ST6GALNAC3: variants seen among roughly 807,000 people sequenced by gnomAD.
ST6GALNAC3 encodes the protein alpha-N-acetylgalactosaminide alpha-2,6-sialyltransferase 3.
Under a neutral mutation model 32.7 loss-of-function variants are expected in ST6GALNAC3, and 25 were observed. That is an observed-to-expected ratio of 0.76 (90% confidence interval 0.56 to 1.07). The LOEUF (loss-of-function observed/expected upper bound fraction) is 1.07, where lower values mean the gene tolerates loss of function less well. Ranked by LOEUF, ST6GALNAC3 falls within the 50% of genes least tolerant of loss-of-function variation. ST6GALNAC3 has a pLI of 0.00. For missense variants in ST6GALNAC3, 355 were observed against 382.4 expected, an observed-to-expected ratio of 0.93 and a Z score of 0.60; for synonymous variants, 129 against 133.1, an observed-to-expected ratio of 0.97 and a Z score of 0.21.
chr1:76,470,680 T>C (rs753309596), intron 3 of ST6GALNAC3, among the ~76,000 whole-genome samples: 2 of 152,046 alleles, frequency 1.3e-5, no homozygotes, highest in Non-Finnish European at 2.9e-5. Context: ...CCCTGGAGTT[T>C]GGATAAAAAC....
intron 2 of ST6GALNAC3, among the ~76,000 whole-genome samples, chr1:76,384,175 G>A (rs12040892): frequency 2.6e-5 from 4 of 151,800 alleles, no homozygotes; most frequent in Non-Finnish European, 5.9e-5. Flanking sequence ...GCACAGAAAG[G>A]TTAAAAATAA....
chr1:76,221,685 A>C (rs1248249794), intron 1 of ST6GALNAC3, among the ~76,000 whole-genome samples: 3 of 152,166 alleles, frequency 2.0e-5, no homozygotes, highest in African/African-American at 7.2e-5. Flanking sequence ...GATGTTCAGT[A>C]ACTGAAAACA....
chr1:76,192,307 C>T (rs1420345143), intron 1 of ST6GALNAC3, among the ~76,000 whole-genome samples: 1 of 152,118 alleles, frequency 6.6e-6, no homozygotes, highest in Non-Finnish European at 1.5e-5. Flanking sequence ...GCACAGAAAA[C>T]ATGACAAATT....
intron 3 of ST6GALNAC3, among the ~76,000 whole-genome samples, chr1:76,508,862 T>A (rs1444293949): frequency 1.3e-5 from 2 of 152,190 alleles, no homozygotes; most frequent in African/African-American, 4.8e-5. Context: ...ATATTTCTCA[T>A]TGAAGAACCA....
In ST6GALNAC3 at chr1:76,251,170, G is replaced by C. The variant is rs534513335; in HGVS notation, c.19-62635G>C. Among the ~76,000 whole-genome samples, 4 of 151,778 alleles carry C rather than the reference G, an allele frequency of 2.6e-5. No homozygotes were observed. The East Asian group carries it at 7.8e-4, about 29-fold the overall frequency. On this transcript the variant is annotated intron_variant, in intron 1 of 4. Transcript: ENST00000328299. ...CATGGCTAAACAACTACTTTAATTA[G>C]CAAATTCTCCCATTATCACCCGCAT...
At chr1:76,424,298 A>G (rs1371837432) in intron 3 of ST6GALNAC3, among the ~76,000 whole-genome samples, 2 of 151,916 alleles carry the variant, frequency 1.3e-5, no homozygotes, top group South Asian at 2.1e-4. Context: ...AGACCCTTCC[A>G]AAAGTGAACC....
chr1:76,324,881 A>T (rs1029743089), intron 2 of ST6GALNAC3, among the ~76,000 whole-genome samples: 1 of 152,126 alleles, frequency 6.6e-6, no homozygotes, highest in Non-Finnish European at 1.5e-5. Context: ...CCAAAATATA[A>T]GGTTTGCTTT....
At position 76,182,784 on chromosome 1, in the gene ST6GALNAC3, A is replaced by T. The variant is rs114361405; in HGVS notation, c.18+107900A>T. Among the ~76,000 whole-genome samples, 744 of 152,238 alleles carry T rather than the reference A, an allele frequency of 4.9e-3. 5 individuals carry two copies. The highest frequency in any genetic ancestry group is 0.025 in the South Asian group (119 of 4,820). On this transcript the variant is annotated intron_variant, in intron 1 of 4. Transcript: ENST00000328299. The stretch of plus-strand genomic sequence containing the variant: ...CTTCAGTCTGGTGTGGTATTTGAAG[A>T]GCATAAAGTCGTAACATAGATTTTC...
At chr1:76,431,708 G>T (rs1465684024) in intron 3 of ST6GALNAC3, among the ~76,000 whole-genome samples, 1 of 151,956 alleles carries the variant, frequency 6.6e-6, no homozygotes, top group African/African-American at 2.4e-5. Flanking sequence ...TTTTTCTTTG[G>T]GAAGTCCGAA....
Position 76,630,204 on chromosome 1 carries a change from T to C in ST6GALNAC3, c.*1398T>C, listed in dbSNP as rs941915586. 1 of 985,226 alleles carries C rather than the reference T, an allele frequency of 1.0e-6. No individual in the cohort carries two copies. Among genetic ancestry groups the C allele is most frequent in the African/African-American group, 1.7e-5 (1 of 57,318 alleles). The allele number at this position is 985,226 out of a possible 1,614,324, so 61.0% of individuals were successfully genotyped here. A position where few individuals can be genotyped will look rare whatever the true frequency, so the allele number is the denominator to read the frequency against. ...AGAATTTATGTAAACTAGTAACCAGTTGATCTCTGTGCCAAATACATTATA... is the reference window on the plus strand; with the variant it reads ...AGAATTTATGTAAACTAGTAACCAGCTGATCTCTGTGCCAAATACATTATA... On this transcript the variant is annotated 3_prime_UTR_variant, in exon 5 of 5. Coordinates refer to ENST00000328299, the MANE Select transcript of ST6GALNAC3 (RefSeq NM_152996.4).
chr1:76,202,282 G>A (rs1654569505), intron 1 of ST6GALNAC3, among the ~76,000 whole-genome samples: 1 of 151,598 alleles, frequency 6.6e-6, no homozygotes, highest in African/African-American at 2.4e-5. Flanking sequence ...GTGTGTGTGT[G>A]TGTGTGTGTG....
intron 3 of ST6GALNAC3, among the ~76,000 whole-genome samples, chr1:76,449,795 A>G (rs1240568802): frequency 6.6e-6 from 1 of 152,006 alleles, no homozygotes; most frequent in African/African-American, 2.4e-5. Context: ...TGCCTTATTT[A>G]TTCATTTATT....
chr1:76,337,541 T>C (rs1028709509), intron 2 of ST6GALNAC3, among the ~76,000 whole-genome samples: 1 of 151,984 alleles, frequency 6.6e-6, no homozygotes, highest in Non-Finnish European at 1.5e-5. Context: ...ACCCCTAAAG[T>C]GTCAGGGATC....
At chr1:76,434,257 A>G (rs1655974122) in intron 3 of ST6GALNAC3, among the ~76,000 whole-genome samples, 1 of 152,158 alleles carries the variant, frequency 6.6e-6, no homozygotes, top group Non-Finnish European at 1.5e-5. Flanking sequence ...CATGCTTGTA[A>G]AGTTGTTTTT....
At chr1:76,424,813 A>ATACC in intron 3 of ST6GALNAC3, among the ~76,000 whole-genome samples, 1 of 152,066 alleles carries the variant, frequency 6.6e-6, no homozygotes, top group Middle Eastern at 3.4e-3. Flanking sequence ...AAATCAGTGT[A>ATACC]TACCTGATTT....
intron 1 of ST6GALNAC3, among the ~76,000 whole-genome samples, chr1:76,301,452 T>C (rs1316843142): frequency 6.6e-6 from 1 of 152,096 alleles, no homozygotes; most frequent in Non-Finnish European, 1.5e-5. Context: ...GAGATGTTTC[T>C]GCCTTTGCTA....
At chr1:76,375,048 C>A (rs1042847951) in intron 2 of ST6GALNAC3, among the ~76,000 whole-genome samples, 7 of 152,006 alleles carry the variant, frequency 4.6e-5, no homozygotes, top group African/African-American at 1.7e-4. Flanking sequence ...CAAAAACTTG[C>A]AAATTTCAAG....
chr1:76,532,952 A>G (rs1031024193), intron 3 of ST6GALNAC3, among the ~76,000 whole-genome samples: 1 of 152,130 alleles, frequency 6.6e-6, no homozygotes, highest in Non-Finnish European at 1.5e-5. Context: ...AAGCAAAGAA[A>G]TGAGGTGGGC....
Position 76,631,317 on chromosome 1 carries a change from A to C in ST6GALNAC3, c.*2511A>C, listed in dbSNP as rs1256516440. ...AAACAGGAAACAAAAAAAAAAAAAAACAAGTTTTTCTCAATTTGGAGACTC... is the reference window on the plus strand; with the variant it reads ...AAACAGGAAACAAAAAAAAAAAAAACCAAGTTTTTCTCAATTTGGAGACTC... On this transcript the variant is annotated 3_prime_UTR_variant, in exon 5 of 5. Coordinates refer to ENST00000328299, the MANE Select transcript of ST6GALNAC3 (RefSeq NM_152996.4). 6.7e-6 allele frequency: 1 copy of C among 149,346 alleles called. No homozygotes were observed. The highest frequency in any genetic ancestry group is 6.7e-5 in the Admixed American group (1 of 14,950). The allele number at this position is 149,346 out of a possible 1,614,324, so 9.3% of individuals were successfully genotyped here. A position where few individuals can be genotyped will look rare whatever the true frequency, so the allele number is the denominator to read the frequency against.
Sources: allele counts gnomAD v4.1 joint callset (sites outside exome capture counted in the v4.1 genomes callset), GRCh38; gene constraint gnomAD v4.1.1; transcripts MANE v1.5; gene names NCBI Gene and HGNC (gene_info 2026-07-23, HGNC 2026-07-21).